The following KCTD8 variants were observed in gnomAD, a reference collection of about 807,000 sequenced individuals.
KCTD8 encodes the protein BTB/POZ domain-containing protein KCTD8.
A neutral mutation model predicts 31.5 loss-of-function variants in KCTD8; 27 were observed. That is an observed-to-expected ratio of 0.86 (90% confidence interval 0.63 to 1.18). KCTD8 has a LOEUF of 1.18. Among genes scored for constraint, KCTD8 ranks in the 50% most tolerant of loss-of-function variants. The pLI is 0.00. For synonymous variants in KCTD8, 290 were observed against 280.0 expected, an observed-to-expected ratio of 1.04 and a Z score of -0.36; for missense variants, 658 against 647.7, an observed-to-expected ratio of 1.02 and a Z score of -0.17.
intron 1 of KCTD8, among the ~76,000 whole-genome samples, chr4:44,212,042 A>C (rs1714497666): frequency 6.6e-6 from 1 of 152,152 alleles, no homozygotes; most frequent in African/African-American, 2.4e-5. Flanking sequence ...TTATACACAG[A>C]GAATAGATTT....
intron 1 of KCTD8, among the ~76,000 whole-genome samples, chr4:44,404,920 A>G (rs1560446694): frequency 6.6e-6 from 1 of 152,184 alleles, no homozygotes; most frequent in African/African-American, 2.4e-5. Flanking sequence ...TAATAATCAC[A>G]GTTCACCTTC....
chr4:44,436,791 A>T (rs1721659116), intron 1 of KCTD8, among the ~76,000 whole-genome samples: 2 of 151,876 alleles, frequency 1.3e-5, no homozygotes, highest in South Asian at 2.1e-4. Context: ...TAGAAACTTT[A>T]AAAAAAATGA....
At chr4:44,417,877 T>G (rs988795236) in intron 1 of KCTD8, among the ~76,000 whole-genome samples, 2 of 152,084 alleles carry the variant, frequency 1.3e-5, no homozygotes, top group Admixed American at 1.3e-4. Flanking sequence ...ACAAGTCTCA[T>G]GAACTACCAA....
At chr4:44,238,484 T>G (rs959933208) in intron 1 of KCTD8, among the ~76,000 whole-genome samples, 1 of 152,026 alleles carries the variant, frequency 6.6e-6, no homozygotes. Context: ...TTTAGTGGAG[T>G]CTTAATGATT....
At chr4:44,319,500 G>A (rs1560425283) in intron 1 of KCTD8, among the ~76,000 whole-genome samples, 1 of 151,676 alleles carries the variant, frequency 6.6e-6, no homozygotes, top group East Asian at 1.9e-4. Flanking sequence ...AAAATACGGA[G>A]TGAGAGAAAA....
chr4:44,177,977 G>C (rs908900833), intron 1 of KCTD8, among the ~76,000 whole-genome samples: 2 of 152,144 alleles, frequency 1.3e-5, no homozygotes, highest in Admixed American at 1.3e-4. Flanking sequence ...CCATTGACTA[G>C]AGGGATGTTA....
intron 1 of KCTD8, among the ~76,000 whole-genome samples, chr4:44,204,273 C>A (rs943432583): frequency 1.8e-4 from 27 of 152,066 alleles, no homozygotes; most frequent in Admixed American, 1.8e-3. Context: ...TTGTCTTATA[C>A]CCAATTTCTG....
At chr4:44,188,418 A>C (rs1398443873) in intron 1 of KCTD8, among the ~76,000 whole-genome samples, 3 of 152,170 alleles carry the variant, frequency 2.0e-5, no homozygotes, top group Non-Finnish European at 2.9e-5. Context: ...CTAGGTGTCA[A>C]ATGTGTCTTT....
At chr4:44,379,875 T>A (rs984974993) in intron 1 of KCTD8, among the ~76,000 whole-genome samples, 1 of 152,100 alleles carries the variant, frequency 6.6e-6, no homozygotes. Context: ...AAAATCACAC[T>A]CAAAGCCTAA....
intron 1 of KCTD8, among the ~76,000 whole-genome samples, chr4:44,300,913 G>A (rs993185012): frequency 7.7e-6 from 1 of 130,342 alleles, no homozygotes; most frequent in Non-Finnish European, 1.5e-5. Context: ...TCCCCTTCCT[G>A]TGTCCATATG....
At chr4:44,348,494 T>C (rs1719096161) in intron 1 of KCTD8, among the ~76,000 whole-genome samples, 1 of 152,196 alleles carries the variant, frequency 6.6e-6, no homozygotes, top group Non-Finnish European at 1.5e-5. Flanking sequence ...TAAGTGTGTA[T>C]GTACCTTCAG....
chr4:44,235,552 TATATATATATATATATATATATA>T (rs1715257110), intron 1 of KCTD8, among the ~76,000 whole-genome samples: 2 of 89,096 alleles, frequency 2.2e-5, no homozygotes, highest in African/African-American at 5.1e-5. Flanking sequence ...TATATATATA[TATATATATATATATATATATATA>T]TTTAGAGAGA....
intron 1 of KCTD8, among the ~76,000 whole-genome samples, chr4:44,366,714 T>G (rs989932066): frequency 2.6e-5 from 4 of 152,156 alleles, no homozygotes; most frequent in Non-Finnish European, 4.4e-5. Flanking sequence ...TTCCTTGTAG[T>G]AGGATTTGGA....
At chr4:44,325,814 T>C (rs1440223639) in intron 1 of KCTD8, among the ~76,000 whole-genome samples, 1 of 151,930 alleles carries the variant, frequency 6.6e-6, no homozygotes, top group African/African-American at 2.4e-5. Context: ...CCCTATCTCC[T>C]TAATTCACAG....
At chr4:44,235,863 G>T (rs1715276328) in intron 1 of KCTD8, among the ~76,000 whole-genome samples, 1 of 151,858 alleles carries the variant, frequency 6.6e-6, no homozygotes, top group East Asian at 1.9e-4. Context: ...ATTACAATGA[G>T]TCCCTGTATC....
intron 1 of KCTD8, among the ~76,000 whole-genome samples, chr4:44,385,543 A>G (rs1720189089): frequency 1.3e-5 from 2 of 151,672 alleles, no homozygotes. Context: ...TCACATATAA[A>G]AATTATCTCA....
intron 1 of KCTD8, among the ~76,000 whole-genome samples, chr4:44,414,647 T>A (rs1721032041): frequency 6.6e-6 from 1 of 152,202 alleles, no homozygotes; most frequent in Admixed American, 6.5e-5. Context: ...TTGCACTCTC[T>A]TTTATTTTAA....
intron 1 of KCTD8, among the ~76,000 whole-genome samples, chr4:44,185,570 C>A (rs1034114961): frequency 6.6e-6 from 1 of 152,166 alleles, no homozygotes; most frequent in East Asian, 1.9e-4. Context: ...CATTTGGTGA[C>A]TCCAATATAC....
At position 44,249,828 on chromosome 4, in the gene KCTD8, C is replaced by G. The variant is rs1044958637; in HGVS notation, c.962-74578G>C. The stretch of plus-strand genomic sequence containing the variant: ...TTCCTTCCCTTCTTTTCTTTCTCTA[C>G]TAGTATATTACAGATACAGCAAAAG... On this transcript the variant is annotated intron_variant, in intron 1 of 1. Transcript: ENST00000360029. Among the ~76,000 whole-genome samples the G allele has an allele frequency of 6.0e-5, 9 of 150,938 alleles. No homozygotes were observed. In the Admixed American group the frequency reaches 6.0e-4, roughly 10 times the overall value.
Sources: gnomAD v4.1 joint callset for allele counts (sites outside exome capture counted in the v4.1 genomes callset) on GRCh38, gnomAD v4.1.1 for gene constraint, MANE v1.5 for transcripts, NCBI Gene and HGNC (gene_info 2026-07-23, HGNC 2026-07-21) for gene names.